The following SCAF11 variants were observed in gnomAD, a reference collection of about 807,000 sequenced individuals.
SCAF11 encodes protein SCAF11.
Under a neutral mutation model 140.5 loss-of-function variants are expected in SCAF11, and 47 were observed. The observed-to-expected ratio is 0.33, with a 90% CI of 0.26 to 0.43. The LOEUF (loss-of-function observed/expected upper bound fraction) is 0.43. Ranked by LOEUF, SCAF11 falls within the 20% of genes least tolerant of loss-of-function variation. The pLI is 1.00. For missense variants in SCAF11, 1,645 were observed against 1,705.1 expected (o/e 0.96, Z 0.62); for synonymous variants, 557 against 579.4 (o/e 0.96, Z 0.55).
chr12:45,941,212 T>G (rs750391524), intron 6 of SCAF11, among the ~76,000 whole-genome samples: 8 of 152,188 alleles, frequency 5.3e-5, no homozygotes, highest in Non-Finnish European at 1.2e-4. Flanking sequence ...AATATACAAT[T>G]TCTTCAGAGC....
chr12:45,928,190 A>T lies in SCAF11; in HGVS notation c.1511T>A (p.Val504Asp). 6.2e-7 allele frequency: 1 copy of T among 1,613,966 alleles called. No individual in the cohort carries two copies. Among genetic ancestry groups the T allele is most frequent in the Non-Finnish European group, 8.5e-7 (1 of 1,180,004 alleles). The change falls in exon 11 of 15, where the codon GTT becomes GAT. Residue 504 changes from valine (V) to aspartate (D), a missense_variant. By Grantham distance (152) the Val-to-Asp change is radical. Coordinates refer to ENST00000369367, the MANE Select transcript of SCAF11 (RefSeq NM_004719.3). ...AGAAATCTCACTTTCCAAACACAAA[A>T]CATTAGCCTCTATACCTGTATTCTC... ...KLENTGIEAN[V>D]LCLESEISEN...
chr12:45,972,933 T>G (rs1201796855), intron 1 of SCAF11, among the ~76,000 whole-genome samples: 6 of 52,744 alleles, frequency 1.1e-4, no homozygotes, highest in African/African-American at 5.7e-4. Context: ...TATATAGATA[T>G]ATATAGATAT....
In SCAF11 at chr12:45,934,301, GTAGT is replaced by G. The variant is rs766708241; in HGVS notation, c.523-20_523-17del. ...ATCTCTGAGGCTAGAAAAGTAAAAAGTAGTTAGTGAAACAGCAAATAAATAACAG... is the reference window on the plus strand; with the variant it reads ...ATCTCTGAGGCTAGAAAAGTAAAAAGTAGTGAAACAGCAAATAAATAACAG... On this transcript the variant is annotated splice_polypyrimidine_tract_variant and intron_variant, in intron 7 of 14. Coordinates refer to ENST00000369367, the MANE Select transcript of SCAF11 (RefSeq NM_004719.3). 4 of 1,547,976 alleles carry G rather than the reference GTAGT, an allele frequency of 2.6e-6. No individual in the cohort carries two copies. The highest frequency in any genetic ancestry group is 1.2e-5 in the South Asian group (1 of 86,934).
At chr12:45,962,542 A>G (rs953586991) in intron 2 of SCAF11, among the ~76,000 whole-genome samples, 1 of 152,196 alleles carries the variant, frequency 6.6e-6, no homozygotes, top group African/African-American at 2.4e-5. Flanking sequence ...TAACCAACTC[A>G]TACAAAAGTA....
Position 45,964,134 on chromosome 12 carries a change from C to T in SCAF11, c.34G>A (p.Gly12Arg), listed in dbSNP as rs759322011. The T allele has an allele frequency of 2.6e-5, 40 of 1,541,616 alleles. No homozygotes were observed. Among genetic ancestry groups the T allele is most frequent in the Non-Finnish European group, 3.2e-5 (36 of 1,120,846 alleles). Residue 12 changes from glycine (G) to arginine (R), a missense_variant, in exon 2 of 15, where the codon GGA (glycine) becomes AGA (arginine). Physicochemically the swap from Gly to Arg is moderately radical, Grantham distance 125 (BLOSUM62 -2). This residue lies in a region of SCAF11 where 1,582 missense variants were observed against 1,609.2 expected (regional missense o/e 0.98). Coordinates refer to ENST00000369367, the MANE Select transcript of SCAF11 (RefSeq NM_004719.3). ...TCCATGTCTTCATACTTCTTATCTCCCATATTTAGGGTACATACAGTTTTC... is the reference window on the plus strand; with the variant it reads ...TCCATGTCTTCATACTTCTTATCTCTCATATTTAGGGTACATACAGTTTTC... ...KKKTVCTLNM[G>R]DKKYEDMEGE...
intron 12 of SCAF11, among the ~76,000 whole-genome samples, chr12:45,923,377 T>C (rs1344270499): frequency 6.6e-6 from 1 of 152,164 alleles, no homozygotes; most frequent in Non-Finnish European, 1.5e-5. Flanking sequence ...TTTTAAATTA[T>C]ATATATGTAT....
intron 11 of SCAF11, among the ~76,000 whole-genome samples, chr12:45,925,412 A>T (rs909085201): frequency 2.7e-4 from 41 of 152,074 alleles, no homozygotes; most frequent in African/African-American, 9.4e-4. Context: ...AAAATTAGCC[A>T]GGCGTGGTGG....
intron 4 of SCAF11, among the ~76,000 whole-genome samples, chr12:45,949,344 T>C (rs1324483775): frequency 1.3e-5 from 2 of 152,152 alleles, no homozygotes; most frequent in African/African-American, 4.8e-5. Context: ...CTTAGTATAA[T>C]TTTTTAAAAG....
rs753483900 is a variant in SCAF11 at position 45,926,142 on chromosome 12, C to G, written c.3559G>C (p.Asp1187His). 2.5e-6 allele frequency: 4 copies of G among 1,604,674 alleles called. No individual in the cohort carries two copies. Among genetic ancestry groups the G allele is most frequent in the Non-Finnish European group, 3.4e-6 (4 of 1,174,150 alleles). ...CAATAAACCAACAAGAATACATTAC[C>G]CTGTCCAGATGTTTCCTCCTCTTGT... ...MKQEEETSGQ[D>H]SSLKDQTNQQ... The change falls in exon 11 of 15, where the codon GAT becomes CAT. Residue 1187 changes from aspartate to histidine, a missense_variant and splice_region_variant. By Grantham distance (81) the Asp-to-His change is moderately conservative. This residue lies in a region of SCAF11 where 1,582 missense variants were observed against 1,609.2 expected (regional missense o/e 0.98). Transcript: ENST00000369367.
At position 45,934,295 on chromosome 12, in the gene SCAF11, T is replaced by TA. The variant is rs1304417015; in HGVS notation, c.523-11dup. On this transcript the variant is annotated splice_polypyrimidine_tract_variant and intron_variant, in intron 7 of 14. Coordinates refer to ENST00000369367, the MANE Select transcript of SCAF11 (RefSeq NM_004719.3). ...AATTTGATCTCTGAGGCTAGAAAAG[T>TA]AAAAAGTAGTTAGTGAAACAGCAAA... The TA allele has an allele frequency of 6.4e-7, 1 of 1,563,304 alleles. No homozygotes were observed. Among genetic ancestry groups the TA allele is most frequent in the Non-Finnish European group, 8.8e-7 (1 of 1,141,618 alleles).
At chr12:45,984,148 T>C (rs1946408569) in intron 1 of SCAF11, among the ~76,000 whole-genome samples, 1 of 152,066 alleles carries the variant, frequency 6.6e-6, no homozygotes, top group Admixed American at 6.6e-5. Context: ...TCTTTTTACC[T>C]TAATAAAAAG....
chr12:45,977,032 G>T (rs2136654128), intron 1 of SCAF11, among the ~76,000 whole-genome samples: 1 of 152,024 alleles, frequency 6.6e-6, no homozygotes, highest in African/African-American at 2.4e-5. Context: ...AAACCTCGAG[G>T]CCCACATAAT....
Position 45,928,080 on chromosome 12 carries a change from C to T in SCAF11, c.1621G>A (p.Val541Ile), listed in dbSNP as rs1944938216. The T allele has an allele frequency of 6.2e-6, 10 of 1,613,980 alleles. No individual in the cohort carries two copies. The highest frequency in any genetic ancestry group is 3.3e-4 in the Middle Eastern group (2 of 6,060). The change falls in exon 11 of 15, where the codon GTA (valine) becomes ATA (isoleucine). Residue 541 changes from valine (V) to isoleucine (I), a missense_variant. Val to Ile is a conservative substitution (Grantham distance 29). Coordinates refer to ENST00000369367, the MANE Select transcript of SCAF11 (RefSeq NM_004719.3). Reference sequence around the variant, plus strand: ...TCATTTGGAAGATGAACTGTACATACATCTGTCTTTACCTCTGATTGTGAA... The same window carrying T: ...TCATTTGGAAGATGAACTGTACATATATCTGTCTTTACCTCTGATTGTGAA... ...GLSQSEVKTD[V>I]CTVHLPNDFP...
chr12:45,936,895 A>G (rs547636192), intron 6 of SCAF11, among the ~76,000 whole-genome samples: 26 of 152,188 alleles, frequency 1.7e-4, no homozygotes, highest in Non-Finnish European at 3.8e-4. Context: ...TGTCTAGGTT[A>G]GTAATTATTT....
At chr12:45,962,831 A>G (rs774613569) in intron 2 of SCAF11, among the ~76,000 whole-genome samples, 1 of 152,214 alleles carries the variant, frequency 6.6e-6, no homozygotes, top group Non-Finnish European at 1.5e-5. Flanking sequence ...ACAAATACAA[A>G]TCCTCTGGAG....
chr12:45,927,565 G>A lies in SCAF11; in HGVS notation c.2136C>T (p.Asp712=), dbSNP rs764640014. 6.2e-7 allele frequency: 1 copy of A among 1,612,974 alleles called. No individual in the cohort carries two copies. Among genetic ancestry groups the A allele is most frequent in the Non-Finnish European group, 8.5e-7 (1 of 1,179,888 alleles). The change falls in exon 11 of 15, where the codon GAC becomes GAT. Residue 712 remains aspartate (D), a synonymous_variant. Coordinates refer to ENST00000369367, the MANE Select transcript of SCAF11 (RefSeq NM_004719.3). ...ACTCCATAGGTATCATTTCATTGTT[G>A]TCCTCACTAAAATGCTTCTGAATCT... The part of the protein sequence containing the change: ...IEQIQKHFSE[D]NNEMIPMECD...
At chr12:45,942,667 C>T (rs1286731721) in intron 6 of SCAF11, among the ~76,000 whole-genome samples, 2 of 152,172 alleles carry the variant, frequency 1.3e-5, no homozygotes, top group Non-Finnish European at 2.9e-5. Context: ...AAACAAGATT[C>T]CCTGAGATAT....
intron 14 of SCAF11, 126 bp from the exon 15 acceptor site, chr12:45,922,320 C>A: frequency 2.7e-6 from 4 of 1,461,646 alleles, no homozygotes; most frequent in Non-Finnish European, 3.7e-6. Flanking sequence ...CATTATCTCA[C>A]ACAAACTAAT....
At chr12:45,988,478 A>C (rs1000371586) in intron 1 of SCAF11, among the ~76,000 whole-genome samples, 1 of 152,194 alleles carries the variant, frequency 6.6e-6, no homozygotes, top group African/African-American at 2.4e-5. Flanking sequence ...TTTTCCAGAA[A>C]ACTGTCTAAG....
Sources: allele counts gnomAD v4.1 joint callset (sites outside exome capture counted in the v4.1 genomes callset), GRCh38; gene constraint gnomAD v4.1.1; regional missense constraint gnomAD v4.1.1; transcripts MANE v1.5; gene names NCBI Gene and HGNC (gene_info 2026-07-23, HGNC 2026-07-21).